Variants in PCDH15 observed in about 807,000 individuals in gnomAD.
PCDH15 encodes the protein protocadherin-15.
A neutral mutation model predicts 178.5 loss-of-function variants in PCDH15; 129 were observed. The observed-to-expected ratio is 0.72, with a 90% confidence interval of 0.63 to 0.84. PCDH15 has a LOEUF of 0.84. Among genes scored for constraint, PCDH15 ranks in the 40% least tolerant of loss-of-function variants. The pLI is 0.00. For missense variants in PCDH15, 2,230 were observed against 2,099.9 expected, an observed-to-expected ratio of 1.06 and a Z score of -1.21; for synonymous variants, 800 against 732.0, an observed-to-expected ratio of 1.09 and a Z score of -1.50.
At chr10:55,221,221 T>C (rs1840866709) in intron 1 of PCDH15, among the ~76,000 whole-genome samples, 1 of 152,066 alleles carries the variant, frequency 6.6e-6, no homozygotes, top group South Asian at 2.1e-4. Context: ...TAGTCTATGG[T>C]GACAGAATTC....
chr10:54,956,007 A>G (rs1838475311), intron 2 of PCDH15, among the ~76,000 whole-genome samples: 1 of 151,418 alleles, frequency 6.6e-6, no homozygotes, highest in Non-Finnish European at 1.5e-5. Context: ...CTTTGAAATT[A>G]TTTGAACTTT....
intron 3 of PCDH15, among the ~76,000 whole-genome samples, chr10:54,459,528 T>C (rs1188633588): frequency 6.6e-6 from 1 of 152,020 alleles, no homozygotes; most frequent in Non-Finnish European, 1.5e-5. Flanking sequence ...ATTCTTAGGT[T>C]ATTTGGAGAA....
intron 3 of PCDH15, among the ~76,000 whole-genome samples, chr10:54,452,834 G>A (rs75566458): frequency 6.6e-6 from 1 of 152,066 alleles, no homozygotes; most frequent in South Asian, 2.1e-4. Context: ...TGAGTCATGT[G>A]TAAATAATGA....
At chr10:53,931,086 T>A (rs187294531) in intron 25 of PCDH15, among the ~76,000 whole-genome samples, 1 of 152,106 alleles carries the variant, frequency 6.6e-6, no homozygotes, top group South Asian at 2.1e-4. Flanking sequence ...GCAGGAAGAA[T>A]GAAAAATCAA....
intron 1 of PCDH15, among the ~76,000 whole-genome samples, chr10:55,270,204 AC>A (rs1207730563): frequency 2.0e-5 from 3 of 152,172 alleles, no homozygotes; most frequent in Non-Finnish European, 4.4e-5. Flanking sequence ...CCTTGGAAAT[AC>A]CCTTCTGAAC....
At chr10:55,253,774 A>T (rs545581770) in intron 1 of PCDH15, among the ~76,000 whole-genome samples, 12 of 152,314 alleles carry the variant, frequency 7.9e-5, no homozygotes, top group African/African-American at 2.9e-4. Context: ...AATGGGTAAA[A>T]ATTAAAGCAT....
At chr10:54,217,651 A>G (rs2052248905) in intron 9 of PCDH15, among the ~76,000 whole-genome samples, 1 of 152,226 alleles carries the variant, frequency 6.6e-6, no homozygotes, top group African/African-American at 2.4e-5. Flanking sequence ...AACAAAATGC[A>G]TACAACACAG....
At chr10:54,164,196 T>C (rs1490071134) in intron 13 of PCDH15, among the ~76,000 whole-genome samples, 3 of 152,302 alleles carry the variant, frequency 2.0e-5, no homozygotes, top group South Asian at 2.1e-4. Context: ...ACTACTCTGG[T>C]AATGTAAAAT....
chr10:54,608,419 C>A lies in PCDH15; in HGVS notation c.91+55753G>T, dbSNP rs113424084. Among the ~76,000 whole-genome samples, 1,326 of 152,030 alleles carry A rather than the reference C, an allele frequency of 8.7e-3. 15 individuals are homozygous for A. Among genetic ancestry groups the A allele is most frequent in the Non-Finnish European group, 0.013 (891 of 67,976 alleles). ...CTCGGGAGTTTGAGACCCGCCTGGG[C>A]AGTTTAGTGAAACCTCATCACTACA... On this transcript the variant is annotated intron_variant, in intron 2 of 37. Transcript: ENST00000644397.
At chr10:54,353,125 T>C (rs1386847747) in intron 5 of PCDH15, among the ~76,000 whole-genome samples, 1 of 152,158 alleles carries the variant, frequency 6.6e-6, no homozygotes, top group East Asian at 1.9e-4. Flanking sequence ...TGAGAAAATA[T>C]CGTTTGCCAA....
chr10:54,637,256 T>C (rs1440445283), intron 2 of PCDH15, among the ~76,000 whole-genome samples: 2 of 151,952 alleles, frequency 1.3e-5, no homozygotes, highest in Non-Finnish European at 2.9e-5. Flanking sequence ...TCCCTCACTA[T>C]GCTGTAAAAT....
intron 32 of PCDH15, among the ~76,000 whole-genome samples, chr10:53,824,537 G>C (rs1180475680): frequency 1.3e-5 from 2 of 152,088 alleles, no homozygotes; most frequent in African/African-American, 4.8e-5. Context: ...CGAACTATAA[G>C]AAAGAGAAAG....
intron 1 of PCDH15, among the ~76,000 whole-genome samples, chr10:54,748,304 A>T (rs1324877877): frequency 1.3e-5 from 2 of 152,188 alleles, no homozygotes; most frequent in Non-Finnish European, 2.9e-5. Flanking sequence ...TACACGGGAT[A>T]AAATTGTTAG....
At chr10:55,338,194 C>T (rs1229589428) in intron 2 of PCDH15, among the ~76,000 whole-genome samples, 1 of 152,068 alleles carries the variant, frequency 6.6e-6, no homozygotes, top group Non-Finnish European at 1.5e-5. Context: ...AACTCTCAAA[C>T]ACTGTTGGTG....
intron 21 of PCDH15, among the ~76,000 whole-genome samples, chr10:53,967,328 A>T (rs1439755400): frequency 6.6e-6 from 1 of 152,084 alleles, no homozygotes; most frequent in African/African-American, 2.4e-5. Context: ...AGTCAACTAA[A>T]ACTCTTTCCT....
chr10:55,224,256 A>G (rs1450520242), intron 1 of PCDH15, among the ~76,000 whole-genome samples: 1 of 152,134 alleles, frequency 6.6e-6, no homozygotes, highest in Non-Finnish European at 1.5e-5. Context: ...GAATATGGTC[A>G]GAATCTATTT....
At chr10:54,353,930 T>C (rs916816149) in intron 5 of PCDH15, among the ~76,000 whole-genome samples, 1 of 152,156 alleles carries the variant, frequency 6.6e-6, no homozygotes, top group Non-Finnish European at 1.5e-5. Flanking sequence ...TACTAAAAAC[T>C]GAGGAGCAAT....
At chr10:53,945,687 T>C (rs894044776) in intron 23 of PCDH15, among the ~76,000 whole-genome samples, 4 of 151,756 alleles carry the variant, frequency 2.6e-5, no homozygotes, top group African/African-American at 9.7e-5. Flanking sequence ...TTTTTCTCTG[T>C]GCCTGATGCA....
At chr10:54,505,512 A>G (rs543976833) in intron 3 of PCDH15, among the ~76,000 whole-genome samples, 1 of 152,110 alleles carries the variant, frequency 6.6e-6, no homozygotes, top group Non-Finnish European at 1.5e-5. Context: ...CAACAGTTTT[A>G]CATGTAATGA....
Sources: allele counts gnomAD v4.1 joint callset (sites outside exome capture counted in the v4.1 genomes callset), GRCh38; gene constraint gnomAD v4.1.1; transcripts MANE v1.5; gene names NCBI Gene and HGNC (gene_info 2026-07-23, HGNC 2026-07-21).